Variants in ADGRV1 observed in about 807,000 individuals in gnomAD.
ADGRV1 encodes adhesion G protein-coupled receptor V1.
In ADGRV1, 359 loss-of-function variants were observed where a neutral mutation model predicts 596.2. That is an observed-to-expected ratio of 0.60 (90% CI 0.55 to 0.66). ADGRV1 has a LOEUF of 0.66. Among genes scored for constraint, ADGRV1 ranks in the 30% least tolerant of loss-of-function variants. The pLI is 0.00. For missense variants in ADGRV1, 7,274 were observed against 7,575.6 expected, an observed-to-expected ratio of 0.96 and a Z score of 1.48; for synonymous variants, 2,681 against 2,679.2, an observed-to-expected ratio of 1.00 and a Z score of -0.02.
At chr5:90,783,434 G>C (rs1310984497) in intron 66 of ADGRV1, 109 bp downstream of exon 66, 2 of 788,534 alleles carry the variant, frequency 2.5e-6, no homozygotes, top group Non-Finnish European at 2.1e-6. Flanking sequence ...TGTGTCCATT[G>C]GAAAACAACA....
At chr5:90,783,641 C>G (rs2150104450) in intron 66 of ADGRV1, among the ~76,000 whole-genome samples, 197 bp from the exon 67 acceptor site, 1 of 152,288 alleles carries the variant, frequency 6.6e-6, no homozygotes, top group Non-Finnish European at 1.5e-5. Flanking sequence ...GCAAGAAAGT[C>G]CCTACAACTG....
At chr5:90,865,589 A>C (rs758607225) in intron 83 of ADGRV1, among the ~76,000 whole-genome samples, 1 of 152,148 alleles carries the variant, frequency 6.6e-6, no homozygotes, top group Non-Finnish European at 1.5e-5. Context: ...TGGCATGAAA[A>C]ATCATGTAGT....
chr5:90,651,418 T>C (rs2149459297), intron 17 of ADGRV1, among the ~76,000 whole-genome samples, 186 bp from the exon 18 acceptor site: 1 of 152,318 alleles, frequency 6.6e-6, no homozygotes, highest in South Asian at 2.1e-4. Context: ...TGTTTGTACT[T>C]ATGTGTGTAT....
intron 87 of ADGRV1, among the ~76,000 whole-genome samples, chr5:91,117,238 CAT>C (rs1792926603): frequency 6.6e-6 from 1 of 151,990 alleles, no homozygotes; most frequent in Non-Finnish European, 1.5e-5. Context: ...GTAAATTATA[CAT>C]AGTTTATTGT....
intron 1 of ADGRV1, among the ~76,000 whole-genome samples, chr5:90,603,464 A>T (rs1345651225): frequency 3.3e-5 from 5 of 152,100 alleles, no homozygotes; most frequent in Admixed American, 2.6e-4. Context: ...GACCATGTGG[A>T]GATTGAAGGT....
rs16868889 is a variant in ADGRV1 at position 90,636,361 on chromosome 5, A to G, written c.2016+1071A>G. On this transcript the variant is annotated intron_variant, in intron 10 of 89. Coordinates refer to ENST00000405460, the MANE Select transcript of ADGRV1 (RefSeq NM_032119.4). ...CAAAGCCTTATGTTAAAATATGGTG[A>G]CCTCAATTTCCATTGTATATTAGCT... 1.1e-3 allele frequency among the ~76,000 whole-genome samples: 170 copies of G among 152,234 alleles called. 1 individual carries two copies. Among genetic ancestry groups the G allele is most frequent in the African/African-American group, 3.9e-3 (162 of 41,544 alleles).
intron 83 of ADGRV1, among the ~76,000 whole-genome samples, chr5:90,876,050 G>C (rs1301613458): frequency 6.6e-6 from 1 of 152,122 alleles, no homozygotes. Context: ...GAGCAATCCT[G>C]TCATGTTTAG....
Position 90,954,155 on chromosome 5 carries a change from T to C in ADGRV1, c.17857-11260T>C, listed in dbSNP as rs968780444. Among the ~76,000 whole-genome samples the C allele has an allele frequency of 2.1e-5, 3 of 141,870 alleles. No homozygotes were observed. In the East Asian group the frequency reaches 6.1e-4, roughly 29 times the overall value. The allele number at this position is 141,870 out of a possible 152,430, so 93.1% of individuals were successfully genotyped here. A position where few individuals can be genotyped will look rare whatever the true frequency, so the allele number is the denominator to read the frequency against. ...AACCTTGTGTAAAATATTGGGCTGC[T>C]TTTCCCAGCCTTGCTTTTTTTTTTT... On this transcript the variant is annotated intron_variant, in intron 83 of 89. Coordinates refer to ENST00000405460, the MANE Select transcript of ADGRV1 (RefSeq NM_032119.4).
intron 85 of ADGRV1, among the ~76,000 whole-genome samples, chr5:91,056,806 C>T (rs1345682967): frequency 6.6e-6 from 1 of 152,188 alleles, no homozygotes; most frequent in East Asian, 1.9e-4. Context: ...GGCCAAAATG[C>T]ATTATTGATG....
rs1248093197 is a variant in ADGRV1, at chr5:91,035,864, T to TA, written c.18153-36582dup. Among the ~76,000 whole-genome samples, 179 of 68,126 alleles carry TA rather than the reference T, an allele frequency of 2.6e-3. 6 individuals are homozygous for TA. The highest frequency in any genetic ancestry group is 8.1e-3 in the Middle Eastern group (1 of 124). The allele number at this position is 68,126 out of a possible 152,430, so 44.7% of individuals were successfully genotyped here. On this transcript the variant is annotated intron_variant, in intron 85 of 89. Transcript: ENST00000405460. ...AGTGTGTATATATATATATATATTATATATATATATATATATATCTTACAA... is the reference window on the plus strand; with the variant it reads ...AGTGTGTATATATATATATATATTATAATATATATATATATATATCTTACAA...
At chr5:90,633,533 A>G (rs16868876) in intron 9 of ADGRV1, among the ~76,000 whole-genome samples, 1,898 of 152,140 alleles carry the variant, frequency 0.012, 40 homozygotes, top group African/African-American at 0.043. Flanking sequence ...TCTTTGCCTT[A>G]TAACAATGCA....
chr5:90,796,307 C>T (rs1760705854), intron 70 of ADGRV1, among the ~76,000 whole-genome samples: 1 of 151,908 alleles, frequency 6.6e-6, no homozygotes, highest in Non-Finnish European at 1.5e-5. Context: ...CTGAAAAACA[C>T]AGCACAAGAA....
In ADGRV1 at chr5:90,651,592, C is replaced by T; in HGVS notation, c.3290-12C>T. ...CTTCTTTGTTATTTTGTCTTTTCCA[C>T]TTTTAATTTAGGTGATACAGTAGTA... is the stretch of plus-strand genomic sequence containing the variant. On this transcript the variant is annotated splice_polypyrimidine_tract_variant and intron_variant, in intron 17 of 89. Transcript: ENST00000405460. The T allele has an allele frequency of 6.8e-7, 1 of 1,467,894 alleles. No homozygotes were observed. The highest frequency in any genetic ancestry group is 9.2e-7 in the Non-Finnish European group (1 of 1,082,690). The allele number at this position is 1,467,894 out of a possible 1,614,324, so 90.9% of individuals were successfully genotyped here. A position where few individuals can be genotyped will look rare whatever the true frequency, so the allele number is the denominator to read the frequency against.
Position 90,778,013 on chromosome 5 carries a change from C to T in ADGRV1, c.12636C>T (p.Asp4212=), listed in dbSNP as rs747831019. Residue 4212 remains aspartate (D), a synonymous_variant, in exon 62 of 90, where the codon GAC becomes GAT. Coordinates refer to ENST00000405460, the MANE Select transcript of ADGRV1 (RefSeq NM_032119.4). The stretch of plus-strand genomic sequence containing the variant: ...CATCAGGAAAACTGACAATGCGAGA[C>T]GAACAGTCTGCAGTCATTGTAGTAA... The part of the protein sequence containing the change: ...AETSGKLTMR[D]EQSAVIVVIQ... 50 of 1,586,904 alleles carry T rather than the reference C, an allele frequency of 3.2e-5. No individual in the cohort carries two copies. Among genetic ancestry groups the T allele is most frequent in the East Asian group, 1.8e-4 (8 of 44,156 alleles).
chr5:90,622,309 C>T (rs1461203843), intron 4 of ADGRV1, among the ~76,000 whole-genome samples: 2 of 152,140 alleles, frequency 1.3e-5, no homozygotes, highest in Non-Finnish European at 2.9e-5. Flanking sequence ...CACCTTTCAA[C>T]TAAAAAACCT....
At chr5:91,074,279 A>T (rs1228242269) in intron 86 of ADGRV1, among the ~76,000 whole-genome samples, 1 of 152,178 alleles carries the variant, frequency 6.6e-6, no homozygotes, top group Non-Finnish European at 1.5e-5. Flanking sequence ...CCACCCAGGT[A>T]ATAAGCACAG....
At position 90,748,246 on chromosome 5, in the gene ADGRV1, G is replaced by A. The variant is rs534133302; in HGVS notation, c.10975-2305G>A. On this transcript the variant is annotated intron_variant, in intron 52 of 89. Coordinates refer to ENST00000405460, the MANE Select transcript of ADGRV1 (RefSeq NM_032119.4). ...CAATCTGGTCCATTCCTGGAGCTAA[G>A]CGTAGTAGATCAGCTTCCTCTGAGG... Among the ~76,000 whole-genome samples, 16 of 152,294 alleles carry A rather than the reference G, an allele frequency of 1.1e-4. No individual in the cohort carries two copies. In the South Asian group the frequency reaches 2.1e-3, roughly 20 times the overall value.
intron 87 of ADGRV1, among the ~76,000 whole-genome samples, chr5:91,136,716 G>A (rs1378642016): frequency 6.6e-6 from 1 of 152,126 alleles, no homozygotes; most frequent in Admixed American, 6.5e-5. Flanking sequence ...AAAAAACTGA[G>A]GTTCATATAA....
intron 85 of ADGRV1, among the ~76,000 whole-genome samples, chr5:90,993,392 T>G (rs1249458764): frequency 6.6e-6 from 1 of 151,892 alleles, no homozygotes; most frequent in African/African-American, 2.4e-5. Flanking sequence ...CTCCTGATCT[T>G]GTGATCCACC....
Sources: gnomAD v4.1 joint callset for allele counts (sites outside exome capture counted in the v4.1 genomes callset) on GRCh38, gnomAD v4.1.1 for gene constraint, MANE v1.5 for transcripts, NCBI Gene and HGNC (gene_info 2026-07-23, HGNC 2026-07-21) for gene names.